The following ESRRB variants were observed in gnomAD, a reference collection of about 807,000 sequenced individuals.
The protein encoded by ESRRB is estrogen related receptor beta.
In ESRRB, 16 loss-of-function variants were observed where a neutral mutation model predicts 46.0. The observed-to-expected ratio is 0.35, with a 90% CI of 0.24 to 0.53. The LOEUF (loss-of-function observed/expected upper bound fraction) is 0.53, where lower values mean the gene tolerates loss of function less well. Among genes scored for constraint, ESRRB ranks in the 20% least tolerant of loss-of-function variants. The pLI, the probability that ESRRB is intolerant of heterozygous loss-of-function variation, is 0.93. For missense variants in ESRRB, 488 were observed against 607.4 expected (o/e 0.80, Z 2.07); for synonymous variants, 246 against 259.6 (o/e 0.95, Z 0.50).
intron 3 of ESRRB, among the ~76,000 whole-genome samples, chr14:76,475,502 C>T (rs932096927): frequency 6.6e-6 from 1 of 152,114 alleles, no homozygotes; most frequent in African/African-American, 2.4e-5. Flanking sequence ...GAACTTTATT[C>T]CTTTCTATGA....
At chr14:76,377,860 G>C (rs568150214) in intron 1 of ESRRB, among the ~76,000 whole-genome samples, 1 of 152,294 alleles carries the variant, frequency 6.6e-6, no homozygotes, top group South Asian at 2.1e-4. Context: ...CTAGTTTGGG[G>C]ATTTTCCCCA....
chr14:76,483,212 T>G (rs1213951827), intron 5 of ESRRB, among the ~76,000 whole-genome samples: 8 of 152,318 alleles, frequency 5.3e-5, no homozygotes, highest in African/African-American at 1.9e-4. Flanking sequence ...GGATTCCAAT[T>G]CTGGGTCTGC....
At chr14:76,322,452 C>T (rs998462783) in intron 1 of ESRRB, among the ~76,000 whole-genome samples, 4 of 152,326 alleles carry the variant, frequency 2.6e-5, no homozygotes, top group East Asian at 3.9e-4. Flanking sequence ...TACCTTATCA[C>T]GTCCACACCT....
rs79659894 is a variant in ESRRB at position 76,340,623 on chromosome 14, C to T, written c.2+29707C>T. On this transcript the variant is annotated intron_variant, in intron 1 of 6. Transcript: ENST00000512784. ...CGTTCTCCCCATCCCCACCTTTCTT[C>T]CTTCCTTGTCCATCAGGTGAATGGC... Among the ~76,000 whole-genome samples the T allele has an allele frequency of 7.9e-4, 120 of 152,320 alleles. 2 individuals are homozygous for T. The East Asian group carries it at 0.021, about 27-fold the overall frequency.
At chr14:76,481,087 A>T (rs1889788144) in intron 3 of ESRRB, among the ~76,000 whole-genome samples, 2 of 152,230 alleles carry the variant, frequency 1.3e-5, no homozygotes, top group Non-Finnish European at 1.5e-5. Context: ...CCCCAGCACC[A>T]TGCTTGGGGC....
At chr14:76,371,061 C>T (rs576982718), upstream of ESRRB, among the ~76,000 whole-genome samples, 67 of 152,228 alleles carry the variant, frequency 4.4e-4, 1 homozygote, top group African/African-American at 1.6e-3. Flanking sequence ...TCAAGATGCC[C>T]CCTTCATATT....
intron 1 of ESRRB, among the ~76,000 whole-genome samples, chr14:76,319,101 T>A (rs1883837423): frequency 6.6e-6 from 1 of 152,136 alleles, no homozygotes; most frequent in Non-Finnish European, 1.5e-5. Flanking sequence ...ACCTAAAACA[T>A]CCACAGGCTG....
At chr14:76,438,548 C>T (rs1887769478) in intron 1 of ESRRB, among the ~76,000 whole-genome samples, 1 of 151,910 alleles carries the variant, frequency 6.6e-6, no homozygotes, top group Non-Finnish European at 1.5e-5. Context: ...CCTGTAATCC[C>T]AGCTACTTCG....
intron 3 of ESRRB, among the ~76,000 whole-genome samples, chr14:76,472,473 C>G (rs537622908): frequency 6.6e-6 from 1 of 152,210 alleles, no homozygotes; most frequent in Non-Finnish European, 1.5e-5. Flanking sequence ...GTCTGTTTAG[C>G]TACAAGGCTC....
At chr14:76,364,398 G>A (rs1055500318) in intron 1 of ESRRB, among the ~76,000 whole-genome samples, 3 of 152,066 alleles carry the variant, frequency 2.0e-5, no homozygotes, top group Non-Finnish European at 4.4e-5. Flanking sequence ...TCTTAAAAAT[G>A]TCCTAAGGGG....
intron 3 of ESRRB, among the ~76,000 whole-genome samples, chr14:76,479,313 T>C (rs1262476039): frequency 6.6e-6 from 1 of 152,166 alleles, no homozygotes; most frequent in Non-Finnish European, 1.5e-5. Flanking sequence ...CTGCTCAGCC[T>C]GGACCTGGGA....
intron 5 of ESRRB, among the ~76,000 whole-genome samples, chr14:76,490,319 T>TA (rs1407347722): frequency 6.6e-6 from 1 of 152,238 alleles, no homozygotes; most frequent in Non-Finnish European, 1.5e-5. Context: ...TACTCTCTCT[T>TA]ACTCTCCTAT....
At chr14:76,473,345 G>C (rs2140013781) in intron 3 of ESRRB, among the ~76,000 whole-genome samples, 1 of 152,354 alleles carries the variant, frequency 6.6e-6, no homozygotes, top group Admixed American at 6.5e-5. Flanking sequence ...GAAAGTTCTG[G>C]ATAAGGGGAA....
chr14:76,426,079 C>T (rs974616868), intron 1 of ESRRB, among the ~76,000 whole-genome samples: 6 of 152,340 alleles, frequency 3.9e-5, no homozygotes, highest in East Asian at 1.9e-4. Context: ...TTGCTTAACA[C>T]GGCAGAAGCA....
At chr14:76,369,443 T>C (rs1166943697), upstream of ESRRB, among the ~76,000 whole-genome samples, 3 of 151,762 alleles carry the variant, frequency 2.0e-5, no homozygotes, top group African/African-American at 7.2e-5. Context: ...GTGGCCAATT[T>C]TTGTATTTTC....
chr14:76,369,228 A>G (rs1247922168), upstream of ESRRB, among the ~76,000 whole-genome samples: 1 of 150,282 alleles, frequency 6.7e-6, no homozygotes, highest in East Asian at 1.9e-4. Context: ...CATGTTTTCT[A>G]TAGGTCTACA....
upstream of ESRRB, among the ~76,000 whole-genome samples, chr14:76,367,545 C>T (rs12892786): frequency 0.26 from 27,723 of 104,844 alleles, 2,626 homozygotes; most frequent in Middle Eastern, 0.37. Context: ...TGACAGGGGG[C>T]GATCCTGTCT....
intron 3 of ESRRB, among the ~76,000 whole-genome samples, chr14:76,474,300 T>C (rs1232982814): frequency 6.6e-6 from 1 of 152,274 alleles, no homozygotes; most frequent in Non-Finnish European, 1.5e-5. Flanking sequence ...GAGTGCCTAC[T>C]GTGTACCAAG....
chr14:76,352,090 G>A (rs1038680919), intron 1 of ESRRB, among the ~76,000 whole-genome samples: 4 of 150,644 alleles, frequency 2.7e-5, no homozygotes, highest in African/African-American at 4.9e-5. Context: ...GAGTAGATTT[G>A]TTGAATGAAT....
Sources: gnomAD v4.1 joint callset for allele counts (sites outside exome capture counted in the v4.1 genomes callset) on GRCh38, gnomAD v4.1.1 for gene constraint, MANE v1.5 for transcripts, NCBI Gene and HGNC (gene_info 2026-07-23, HGNC 2026-07-21) for gene names.